The following MYLK3 variants were observed in gnomAD, a reference collection of about 807,000 sequenced individuals.
The protein encoded by MYLK3 is myosin light chain kinase 3, also known as MLC kinase.
In MYLK3, 55 loss-of-function variants were observed where a neutral mutation model predicts 76.3. The observed-to-expected ratio is 0.72, with a 90% CI of 0.58 to 0.90. The LOEUF is 0.90. Among genes scored for constraint, MYLK3 ranks in the 40% least tolerant of loss-of-function variants. The pLI is 0.00. For synonymous variants in MYLK3, 416 were observed against 425.4 expected, an observed-to-expected ratio of 0.98 and a Z score of 0.27; for missense variants, 973 against 1,053.6, an observed-to-expected ratio of 0.92 and a Z score of 1.06.
chr16:46,727,391 G>A lies in MYLK3; in HGVS notation c.1773-14C>T. 2 of 1,598,126 alleles carry A rather than the reference G, an allele frequency of 1.3e-6. No individual in the cohort carries two copies. Among genetic ancestry groups the A allele is most frequent in the South Asian group, 1.1e-5 (1 of 89,794 alleles). ...CCCCCGTCCACGCTGCCAGAGCAAAGGGAGAGGCAGGCACCAGCCTAAGCA... is the reference window on the plus strand; with the variant it reads ...CCCCCGTCCACGCTGCCAGAGCAAAAGGAGAGGCAGGCACCAGCCTAAGCA... On this transcript the variant is annotated splice_polypyrimidine_tract_variant and intron_variant, in intron 7 of 12. Transcript: ENST00000394809.
At chr16:46,729,403 G>A (rs1240917699) in intron 6 of MYLK3, among the ~76,000 whole-genome samples, 191 bp downstream of exon 6, 1 of 152,140 alleles carries the variant, frequency 6.6e-6, no homozygotes. Context: ...AGCTGTGCCT[G>A]GACACCTGCG....
At chr16:46,716,325 G>C (rs1301027381) in intron 9 of MYLK3, among the ~76,000 whole-genome samples, 1 of 151,782 alleles carries the variant, frequency 6.6e-6, no homozygotes, top group Non-Finnish European at 1.5e-5. Flanking sequence ...TAGATAGATA[G>C]ACAGATAGAT....
In MYLK3 at chr16:46,729,595, C is replaced by G. The variant is rs1378535505; in HGVS notation, c.1661G>C (p.Arg554Pro). 5.6e-6 allele frequency: 9 copies of G among 1,613,480 alleles called. No individual in the cohort carries two copies. The highest frequency in any genetic ancestry group is 6.8e-6 in the Non-Finnish European group (8 of 1,179,624). The change falls in exon 6 of 13, where the codon CGG becomes CCG. Residue 554 changes from arginine (R) to proline (P), a missense_variant and splice_region_variant. Arg to Pro is a moderately radical substitution (Grantham distance 103, BLOSUM62 -2). This residue lies in a region of MYLK3 where 332 missense variants were observed against 416.6 expected (regional missense o/e 0.80). Transcript: ENST00000394809. ...ACCTGGCCCAGCCAGATGCCTCACC[C>G]GGTCCTTGGCGCTCTTCACTTTGAT... ...KIIKVKSAKD[R>P]EDVKNEINIM...
At chr16:46,711,049 C>T (rs1400026223) in intron 10 of MYLK3, 2 of 474,112 alleles carry the variant, frequency 4.2e-6, no homozygotes, top group African/African-American at 3.9e-5. Context: ...CACCTCATTC[C>T]TGAAGTAAAG....
At chr16:46,736,886 G>A (rs1313729860) in intron 3 of MYLK3, among the ~76,000 whole-genome samples, 1 of 152,008 alleles carries the variant, frequency 6.6e-6, no homozygotes, top group Non-Finnish European at 1.5e-5. Context: ...GAGGGCATGA[G>A]AGTCTGCGGG....
intron 11 of MYLK3, 146 bp from the exon 12 acceptor site, chr16:46,709,817 T>A: frequency 1.0e-6 from 1 of 969,542 alleles, no homozygotes; most frequent in Non-Finnish European, 1.5e-6. Flanking sequence ...AGGGAACTCC[T>A]TGTGTCTAAA....
chr16:46,752,636 G>A (rs1967141034), upstream of MYLK3, among the ~76,000 whole-genome samples: 1 of 152,182 alleles, frequency 6.6e-6, no homozygotes, highest in South Asian at 2.1e-4. Context: ...CACTTTGGGA[G>A]GCTGAGGCAG....
At chr16:46,759,788 C>A (rs1431423826) in intron 1 of MYLK3, among the ~76,000 whole-genome samples, 6 of 152,242 alleles carry the variant, frequency 3.9e-5, no homozygotes, top group African/African-American at 1.4e-4. Context: ...GGCACCACCA[C>A]ACCTGGCTAA....
chr16:46,709,685 G>C lies in MYLK3; in HGVS notation c.2268-14C>G. The C allele has an allele frequency of 1.2e-6, 2 of 1,608,232 alleles. No homozygotes were observed. The highest frequency in any genetic ancestry group is 8.5e-7 in the Non-Finnish European group (1 of 1,178,532). On this transcript the variant is annotated splice_polypyrimidine_tract_variant and intron_variant, in intron 11 of 12. Transcript: ENST00000394809. ...CTCATTCTGCAGCTGTGAAATCAAA[G>C]AGCAGTTAAGACTTTTAGTTGGAGT...
chr16:46,729,788 G>A, intron 5 of MYLK3, 101 bp from the exon 6 acceptor site: 2 of 1,007,742 alleles, frequency 2.0e-6, no homozygotes, highest in Non-Finnish European at 3.1e-6. Context: ...AGGCCATGTG[G>A]ACCATCCTAC....
At chr16:46,727,738 C>G (rs1966845457) in intron 7 of MYLK3, among the ~76,000 whole-genome samples, 1 of 152,182 alleles carries the variant, frequency 6.6e-6, no homozygotes, top group Admixed American at 6.5e-5. Context: ...TGTCGGTCAG[C>G]CTTGTCTCGA....
At chr16:46,744,975 C>T (rs1567291289) in intron 1 of MYLK3, among the ~76,000 whole-genome samples, 1 of 151,796 alleles carries the variant, frequency 6.6e-6, no homozygotes, top group Non-Finnish European at 1.5e-5. Flanking sequence ...TCTCAGATTT[C>T]CTTAAAATAA....
intron 9 of MYLK3, among the ~76,000 whole-genome samples, chr16:46,716,485 A>G (rs1265605787): frequency 3.4e-5 from 4 of 117,888 alleles, no homozygotes; most frequent in Non-Finnish European, 6.8e-5. Flanking sequence ...GTGTGTGTGT[A>G]TGTGTATATA....
At chr16:46,726,638 G>C (rs1966840973) in intron 8 of MYLK3, 1 of 118,966 alleles carries the variant, frequency 8.4e-6, no homozygotes, top group African/African-American at 3.1e-5. Context: ...AAAAGAAAGT[G>C]AGAGAAAGAA....
rs563750961 is a variant in MYLK3 at position 46,716,863 on chromosome 16, T to C, written c.1986-4087A>G. Among the ~76,000 whole-genome samples the C allele has an allele frequency of 5.3e-5, 8 of 152,168 alleles. No individual in the cohort carries two copies. In the South Asian group the frequency reaches 1.7e-3, roughly 32 times the overall value. On this transcript the variant is annotated intron_variant, in intron 9 of 12. Coordinates refer to ENST00000394809, the MANE Select transcript of MYLK3 (RefSeq NM_182493.3). ...TCCATAAAACCCCAAGAGGACAGGG[T>C]TGGAGAGCTTCCCGATGGCTGAACA...
At position 46,702,477 on chromosome 16, in the gene MYLK3, A is replaced by G. The variant is rs1216318722; in HGVS notation, c.*5227T>C. Among the ~76,000 whole-genome samples the G allele has an allele frequency of 6.6e-6, 1 of 152,242 alleles. No individual in the cohort carries two copies. The highest frequency in any genetic ancestry group is 1.9e-4 in the East Asian group (1 of 5,204). ...TCTGAAGTCATCTAACCACATTGCC[A>G]ATATCACACCTCACAAAATTAATAG... On this transcript the variant is annotated 3_prime_UTR_variant, in exon 13 of 13. Coordinates refer to ENST00000394809, the MANE Select transcript of MYLK3 (RefSeq NM_182493.3).
chr16:46,740,313 GAGA>G (rs1443704867), intron 1 of MYLK3, among the ~76,000 whole-genome samples, 166 bp from the exon 2 acceptor site: 1 of 151,924 alleles, frequency 6.6e-6, no homozygotes, highest in African/African-American at 2.4e-5. Flanking sequence ...TCACTTTAGA[GAGA>G]AGGACACTGA....
intron 7 of MYLK3, among the ~76,000 whole-genome samples, chr16:46,728,221 G>T (rs967121504): frequency 2.0e-5 from 3 of 152,204 alleles, no homozygotes; most frequent in Non-Finnish European, 4.4e-5. Context: ...CCAGCACTGG[G>T]GCGGTTGGGA....
chr16:46,716,130 G>A (rs1027064311), intron 9 of MYLK3, among the ~76,000 whole-genome samples: 25 of 152,090 alleles, frequency 1.6e-4, no homozygotes, highest in Non-Finnish European at 3.4e-4. Context: ...GTGCCTGCCC[G>A]TCACCAGAGC....
Sources: allele counts gnomAD v4.1 joint callset (sites outside exome capture counted in the v4.1 genomes callset), GRCh38; gene constraint gnomAD v4.1.1; regional missense constraint gnomAD v4.1.1; transcripts MANE v1.5; gene names NCBI Gene and HGNC (gene_info 2026-07-23, HGNC 2026-07-21).